The following ITFG2 variants were observed in gnomAD, a reference collection of about 807,000 sequenced individuals.
ITFG2 encodes the protein KICSTOR complex protein ITFG2.
Under a neutral mutation model 54.4 loss-of-function variants are expected in ITFG2, and 36 were observed. The observed-to-expected ratio is 0.66, with a 90% CI of 0.51 to 0.87. The LOEUF (loss-of-function observed/expected upper bound fraction) is 0.87. Among genes scored for constraint, ITFG2 ranks in the 40% least tolerant of loss-of-function variants. The probability of loss-of-function intolerance (pLI) is 0.00; values close to 1 mark genes in which losing one functional copy is unlikely to be tolerated. For synonymous variants in ITFG2, 211 were observed against 225.4 expected, an observed-to-expected ratio of 0.94 and a Z score of 0.57; for missense variants, 524 against 576.7, an observed-to-expected ratio of 0.91 and a Z score of 0.94.
rs377499279 is a variant in ITFG2, at chr12:2,821,811, A to G, written c.948+19A>G. On this transcript the variant is annotated intron_variant, in intron 9 of 11. Transcript: ENST00000228799. ...TGTCACCGTGAGTGGAAAACCTGGC[A>G]GAGCAGAGCATTCCTGCGTTTTCCA... The G allele has an allele frequency of 1.3e-6, 2 of 1,578,840 alleles. No homozygotes were observed. Among genetic ancestry groups the G allele is most frequent in the African/African-American group, 2.7e-5 (2 of 74,230 alleles).
Position 2,824,427 on chromosome 12 carries a change from T to TATGA in ITFG2, c.*234_*235insATGA. 1 of 567,660 alleles carries TATGA rather than the reference T, an allele frequency of 1.8e-6. No individual in the cohort carries two copies. The highest frequency in any genetic ancestry group is 1.8e-5 in the South Asian group (1 of 56,514). The allele number at this position is 567,660 out of a possible 1,614,324, so 35.2% of individuals were successfully genotyped here. On this transcript the variant is annotated 3_prime_UTR_variant, in exon 12 of 12. Coordinates refer to ENST00000228799, the MANE Select transcript of ITFG2 (RefSeq NM_018463.4). ...CCCATTTCCTTATGGACCTCACCCA[T>TATGA]CATGCCAGCAGGGTCATAGGACCCT...
exon 3 of ITFG2, chr12:2,858,089 T>C (rs748769201): frequency 1.3e-5 from 2 of 152,756 alleles, no homozygotes; most frequent in African/African-American, 2.4e-5. Context: ...CTTGTCTGGG[T>C]CCCTGCAGTG....
At position 2,858,554 on chromosome 12, in the gene ITFG2, T is replaced by C; in HGVS notation, n.620+223T>C. On this transcript the variant is annotated intron_variant and non_coding_transcript_variant, in intron 3 of 3. Coordinates refer to the ITFG2 transcript ENST00000537710. ...GGAGCAGAACAGTCCCTGCCTGCTG[T>C]CCTCACTCAGAGGCTTGGGGTGCAC... 9.0e-6 allele frequency: 11 copies of C among 1,215,784 alleles called. No individual in the cohort carries two copies. In the South Asian group the frequency reaches 1.6e-4, roughly 18 times the overall value. 75.3% of individuals were successfully genotyped at this position (1,215,784 alleles called of 1,614,324 possible).
upstream of ITFG2, chr12:2,834,832 A>G: frequency 5.6e-6 from 9 of 1,613,020 alleles, no homozygotes; most frequent in African/African-American, 1.3e-5. Flanking sequence ...CTTGGTGCTC[A>G]TGGCCCCTGC....
At chr12:2,813,099 T>C (rs1417445788) in intron 1 of ITFG2, among the ~76,000 whole-genome samples, 3 of 152,290 alleles carry the variant, frequency 2.0e-5, no homozygotes, top group Non-Finnish European at 4.4e-5. Context: ...TGCAGTGGCT[T>C]GATTTCGGCT....
chr12:2,837,808 G>C (rs557752471), intron 1 of ITFG2, among the ~76,000 whole-genome samples: 1 of 152,176 alleles, frequency 6.6e-6, no homozygotes, highest in Admixed American at 6.5e-5. Flanking sequence ...CAACCTGGGT[G>C]ACAGAGCGAG....
At chr12:2,855,377 C>T (rs536800791) in intron 2 of ITFG2, 326 of 1,254,860 alleles carry the variant, frequency 2.6e-4, no homozygotes, top group East Asian at 1.2e-3. Context: ...TCCCAGGACT[C>T]GCTGGGGAGG....
intron 1 of ITFG2, 196 bp downstream of exon 1, chr12:2,813,052 T>G: frequency 2.0e-6 from 1 of 501,160 alleles, no homozygotes; most frequent in Non-Finnish European, 3.6e-6. Flanking sequence ...TTTTGTTTGT[T>G]TTTTGAGACA....
rs532036343 is a variant in ITFG2 at position 2,812,729 on chromosome 12, G to A, written c.-32G>A. On this transcript the variant is annotated 5_prime_UTR_variant, in exon 1 of 12. Transcript: ENST00000228799. The stretch of plus-strand genomic sequence containing the variant: ...CGGGGGTTCAGGGAATATTTACTGG[G>A]CCTCTCCGCTCCCTCTGCTCTTGGA... The A allele has an allele frequency of 8.3e-6, 13 of 1,574,192 alleles. No homozygotes were observed. Among genetic ancestry groups the A allele is most frequent in the Non-Finnish European group, 9.6e-6 (11 of 1,145,586 alleles).
upstream of ITFG2, chr12:2,834,932 C>T: frequency 1.2e-6 from 2 of 1,610,992 alleles, no homozygotes; most frequent in Non-Finnish European, 1.7e-6. Flanking sequence ...CTGCAGCTCT[C>T]TTTCCAACAG....
intron 5 of ITFG2, 96 bp from the exon 6 acceptor site, chr12:2,820,628 G>GA: frequency 4.0e-6 from 1 of 251,778 alleles, no homozygotes; most frequent in Non-Finnish European, 7.9e-6. Context: ...CCCTGCCCCT[G>GA]CCCCCGCCCC....
downstream of ITFG2, among the ~76,000 whole-genome samples, chr12:2,831,766 TTTTTC>T (rs2098004467): frequency 7.9e-5 from 12 of 152,154 alleles, no homozygotes; most frequent in Admixed American, 7.9e-4. Context: ...CTTTTCTTTC[TTTTTC>T]TTTTCTTTCA....
Position 2,820,351 on chromosome 12 carries a change from G to T in ITFG2, c.546+126G>T, listed in dbSNP as rs181333125. ...GAGAAGTGAAAAGTCACCTTGTCAAGAGAGATCCAAAGACCATTTCAAATC... is the reference window on the plus strand; with the variant it reads ...GAGAAGTGAAAAGTCACCTTGTCAATAGAGATCCAAAGACCATTTCAAATC... On this transcript the variant is annotated intron_variant, in intron 5 of 11. Coordinates refer to ENST00000228799, the MANE Select transcript of ITFG2 (RefSeq NM_018463.4). 360 of 1,203,572 alleles carry T rather than the reference G, an allele frequency of 3.0e-4. 1 individual carries two copies. The African/African-American group carries it at 4.2e-3, about 14-fold the overall frequency. The allele number at this position is 1,203,572 out of a possible 1,614,324, so 74.6% of individuals were successfully genotyped here.
At chr12:2,832,060 A>T (rs2098005914), upstream of ITFG2, among the ~76,000 whole-genome samples, 1 of 152,076 alleles carries the variant, frequency 6.6e-6, no homozygotes, top group Non-Finnish European at 1.5e-5. Context: ...CTACTCCAAA[A>T]TGTGGTCCTC....
rs532823733 is a variant in ITFG2, at chr12:2,855,108, G to A, written n.301-2904G>A. On this transcript the variant is annotated intron_variant and non_coding_transcript_variant, in intron 2 of 3. Coordinates refer to the ITFG2 transcript ENST00000537710. The stretch of plus-strand genomic sequence containing the variant: ...CCATCCAGGAGGGAGGGGGGATGGG[G>A]TGCTCCGTGGGGGGGCATCTGTGGG... The A allele has an allele frequency of 2.0e-5, 30 of 1,535,382 alleles. No homozygotes were observed. The African/African-American group carries it at 3.0e-4, about 15-fold the overall frequency.
chr12:2,853,708 T>C lies in ITFG2; in HGVS notation n.301-4304T>C, dbSNP rs2098078579. Among the ~76,000 whole-genome samples the C allele has an allele frequency of 3.3e-5, 5 of 152,322 alleles. No individual in the cohort carries two copies. The South Asian group carries it at 1.0e-3, about 32-fold the overall frequency. ...TGGAATTTGAGACATTCCTTTTCATTGCCTTCCCCCTTTCTTGTTACTCTT... is the reference window on the plus strand; with the variant it reads ...TGGAATTTGAGACATTCCTTTTCATCGCCTTCCCCCTTTCTTGTTACTCTT... On this transcript the variant is annotated intron_variant and non_coding_transcript_variant, in intron 2 of 3. Coordinates refer to the ITFG2 transcript ENST00000537710.
chr12:2,833,675 C>G (rs537955646), upstream of ITFG2, among the ~76,000 whole-genome samples: 6 of 152,230 alleles, frequency 3.9e-5, no homozygotes, highest in Admixed American at 2.6e-4. Flanking sequence ...TTCCTCTCTT[C>G]CACGGGTCAG....
upstream of ITFG2, among the ~76,000 whole-genome samples, chr12:2,833,678 C>G (rs11062372): frequency 0.15 from 23,101 of 152,028 alleles, 1,894 homozygotes; most frequent in South Asian, 0.33. Context: ...CTCTCTTCCA[C>G]GGGTCAGAGG....
intron 2 of ITFG2, chr12:2,849,152 C>T (rs1179201154): frequency 2.1e-6 from 3 of 1,416,716 alleles, no homozygotes; most frequent in Non-Finnish European, 2.8e-6. Flanking sequence ...ACCCCAGGGC[C>T]TCTTGCTGAA....
Sources: allele counts gnomAD v4.1 joint callset (sites outside exome capture counted in the v4.1 genomes callset), GRCh38; gene constraint gnomAD v4.1.1; transcripts MANE v1.5; gene names NCBI Gene and HGNC (gene_info 2026-07-23, HGNC 2026-07-21).